Variants in SLC12A5 observed in about 807,000 individuals in gnomAD.
The protein encoded by SLC12A5 is solute carrier family 12 member 5, also known as K-Cl cotransporter 2.
A neutral mutation model predicts 124.0 loss-of-function variants in SLC12A5; 18 were observed. That is an observed-to-expected ratio of 0.15 (90% CI 0.10 to 0.22). The LOEUF (loss-of-function observed/expected upper bound fraction) is 0.22, where lower values mean the gene tolerates loss of function less well. SLC12A5 is among the 10% of genes least tolerant of loss of function. The pLI is 1.00. For missense variants in SLC12A5, 867 were observed against 1,478.7 expected (o/e 0.59, Z 6.78); for synonymous variants, 589 against 568.0 (o/e 1.04, Z -0.53).
chr20:46,051,526 T>C (rs996208903), intron 17 of SLC12A5, 149 bp from the exon 18 acceptor site: 2 of 661,098 alleles, frequency 3.0e-6, no homozygotes, highest in Non-Finnish European at 4.9e-6. Flanking sequence ...CATGTGCCAT[T>C]CTGGAGCCAG....
At chr20:46,046,278 T>G in intron 13 of SLC12A5, 60 bp from the exon 14 acceptor site, 1 of 1,442,694 alleles carries the variant, frequency 6.9e-7, no homozygotes, top group Non-Finnish European at 9.8e-7. Context: ...CCCATGCTGT[T>G]GTTTCTGTTT....
upstream of SLC12A5, among the ~76,000 whole-genome samples, chr20:46,027,194 C>G (rs1333301100): frequency 1.3e-5 from 2 of 152,184 alleles, no homozygotes; most frequent in Non-Finnish European, 2.9e-5. Context: ...CCAATTCAAA[C>G]TCATCTCACC....
chr20:46,046,395 G>T lies in SLC12A5; in HGVS notation c.1746G>T (p.Leu582=). The T allele has an allele frequency of 6.2e-7, 1 of 1,614,194 alleles. No homozygotes were observed. The change falls in exon 14 of 26, where the codon CTG becomes CTT. Residue 582 remains leucine (L), a synonymous_variant. Transcript: ENST00000243964. Reference sequence around the variant, plus strand: ...TGGCCTGTGCAGTGCAGACGCTGCTGAGGACACCCAACTGGAGGCCACGCT... The same window carrying T: ...TGGCCTGTGCAGTGCAGACGCTGCTTAGGACACCCAACTGGAGGCCACGCT... ...VNLACAVQTL[L]RTPNWRPRFR...
At chr20:46,050,402 C>T (rs2084637058) in intron 17 of SLC12A5, among the ~76,000 whole-genome samples, 1 of 152,212 alleles carries the variant, frequency 6.6e-6, no homozygotes, top group Admixed American at 6.5e-5. Flanking sequence ...GCTGTGGTGG[C>T]CAGTGTCTGC....
chr20:46,041,297 T>C (rs1288855002), intron 7 of SLC12A5, 32 bp from the exon 8 acceptor site: 6 of 1,604,686 alleles, frequency 3.7e-6, no homozygotes, highest in Non-Finnish European at 5.1e-6. Flanking sequence ...GTTATGTGGC[T>C]CCCCACCTTC....
rs756834398 is a variant in SLC12A5, at chr20:46,049,674, C to T, written c.2065C>T (p.Pro689Ser). 7.5e-6 allele frequency: 12 copies of T among 1,606,168 alleles called. No individual in the cohort carries two copies. Among genetic ancestry groups the T allele is most frequent in the Non-Finnish European group, 1.0e-5 (12 of 1,176,638 alleles). Reference protein sequence around the residue: ...RVDQDQNVVHPQLLSLTSQLK... With the variant: ...RVDQDQNVVHSQLLSLTSQLK... ...GGACCAAGACCAGAATGTGGTGCAC[C>T]CCCAGCTGCTCTCACTGACCTCCCA... The change falls in exon 17 of 26, where the codon CCC (proline) becomes TCC (serine). Residue 689 changes from proline (P) to serine (S), a missense_variant. Pro to Ser is a moderately conservative substitution (Grantham distance 74). Coordinates refer to ENST00000243964, the MANE Select transcript of SLC12A5 (RefSeq NM_020708.5).
At chr20:46,030,684 C>T (rs1226200892) in intron 1 of SLC12A5, among the ~76,000 whole-genome samples, 1 of 152,214 alleles carries the variant, frequency 6.6e-6, no homozygotes, top group East Asian at 1.9e-4. Flanking sequence ...GCTGAAAGAG[C>T]AGGGTCTTCT....
rs772203618 is a variant in SLC12A5, at chr20:46,056,793, C to A, written c.3111-104C>A. 1 of 1,315,068 alleles carries A rather than the reference C, an allele frequency of 7.6e-7. No individual in the cohort carries two copies. The highest frequency in any genetic ancestry group is 2.3e-5 in the East Asian group (1 of 43,464). The allele number at this position is 1,315,068 out of a possible 1,614,324, so 81.5% of individuals were successfully genotyped here. On this transcript the variant is annotated intron_variant, in intron 23 of 25. Coordinates refer to ENST00000243964, the MANE Select transcript of SLC12A5 (RefSeq NM_020708.5). The surrounding 1 kb of genome is among the most constrained non-coding windows in gnomAD (Gnocchi z 4.3). ...GTGAAGGGTGTGGGGGCTGGCAGAG[C>A]AGGACTCAGGGCAGATGACCATGGC...
In SLC12A5 at chr20:46,056,320, T is replaced by C. The variant is rs749516174; in HGVS notation, c.2911-45T>C. ...CCCCAACCAGTGGGAGCAGAGCCCTTGGCCTCCAAAGGACTCAACTGCCAT... is the reference window on the plus strand; with the variant it reads ...CCCCAACCAGTGGGAGCAGAGCCCTCGGCCTCCAAAGGACTCAACTGCCAT... On this transcript the variant is annotated intron_variant, in intron 22 of 25. Transcript: ENST00000243964. This position sits in a 1 kb window ranked among gnomAD's most constrained non-coding sequence, Gnocchi z 4.3. 1.2e-6 allele frequency: 2 copies of C among 1,611,830 alleles called. No homozygotes were observed. Among genetic ancestry groups the C allele is most frequent in the Non-Finnish European group, 1.7e-6 (2 of 1,178,614 alleles).
intron 18 of SLC12A5, among the ~76,000 whole-genome samples, chr20:46,052,441 T>C (rs1417285031): frequency 6.6e-6 from 1 of 152,256 alleles, no homozygotes; most frequent in Non-Finnish European, 1.5e-5. Context: ...GGCTCACGCC[T>C]GTAATCCCAG....
At chr20:46,049,325 G>A (rs1231909408) in intron 16 of SLC12A5, among the ~76,000 whole-genome samples, 4 of 152,222 alleles carry the variant, frequency 2.6e-5, no homozygotes, top group African/African-American at 9.7e-5. Flanking sequence ...TGGATGATAG[G>A]TAGGTAGATG....
chr20:46,042,474 C>T (rs2084556103), intron 8 of SLC12A5, among the ~76,000 whole-genome samples: 1 of 151,776 alleles, frequency 6.6e-6, no homozygotes, highest in Admixed American at 6.6e-5. Flanking sequence ...TCAACCAGGG[C>T]TGTTTTGCCA....
At chr20:46,023,239 T>C (rs769293824) in intron 2 of SLC12A5, 4 of 398,078 alleles carry the variant, frequency 1.0e-5, no homozygotes, top group African/African-American at 6.2e-5. Context: ...CTTGGATTTC[T>C]TGGGCTCCTT....
intron 16 of SLC12A5, among the ~76,000 whole-genome samples, chr20:46,048,730 G>T (rs1162957515): frequency 6.6e-6 from 1 of 152,094 alleles, no homozygotes; most frequent in Non-Finnish European, 1.5e-5. Context: ...AATTAGCCAG[G>T]CATGGTGGCG....
intron 1 of SLC12A5, among the ~76,000 whole-genome samples, chr20:46,032,493 TTAA>T (rs2084462864): frequency 6.6e-6 from 1 of 152,152 alleles, no homozygotes; most frequent in South Asian, 2.1e-4. Context: ...ACCAAGTATG[TTAA>T]TAATAATCGC....
At chr20:46,046,312 T>A (rs754179653) in intron 13 of SLC12A5, 26 bp from the exon 14 acceptor site, 26 of 1,601,300 alleles carry the variant, frequency 1.6e-5, no homozygotes, top group Non-Finnish European at 2.1e-5. Flanking sequence ...CATCTCTGTC[T>A]CCCCTGGGGC....
In SLC12A5 at chr20:46,043,646, T is replaced by C. The variant is rs1233803706; in HGVS notation, c.1251T>C (p.Gly417=). Residue 417 remains glycine (G), a synonymous_variant, in exon 10 of 26, where the codon GGT becomes GGC. Coordinates refer to ENST00000243964, the MANE Select transcript of SLC12A5 (RefSeq NM_020708.5). ...YFPSVTGIMA[G]SNRSGDLRDA... ...TCTGTTTTGCAGGGATCATGGCTGGTTCTAACCGCTCTGGGGACCTGAGGG... is the reference window on the plus strand; with the variant it reads ...TCTGTTTTGCAGGGATCATGGCTGGCTCTAACCGCTCTGGGGACCTGAGGG... 1 of 1,614,176 alleles carries C rather than the reference T, an allele frequency of 6.2e-7. No homozygotes were observed. The highest frequency in any genetic ancestry group is 1.1e-5 in the South Asian group (1 of 91,076).
upstream of SLC12A5, among the ~76,000 whole-genome samples, chr20:46,028,811 C>T (rs934791648): frequency 6.6e-6 from 1 of 152,194 alleles, no homozygotes; most frequent in African/African-American, 2.4e-5. Flanking sequence ...ACCCCAGACC[C>T]CCAGTCAAGC....
rs944489542 is a variant in SLC12A5 at position 46,045,005 on chromosome 20, T to G, written c.1434T>G (p.Thr478=). The G allele has an allele frequency of 6.2e-7, 1 of 1,614,102 alleles. No individual in the cohort carries two copies. Among genetic ancestry groups the G allele is most frequent in the African/African-American group, 1.3e-5 (1 of 74,944 alleles). Residue 478 remains threonine, a synonymous_variant, in exon 12 of 26, where the codon ACT becomes ACG. Transcript: ENST00000243964. The surrounding 1 kb of genome is among the most constrained non-coding windows in gnomAD (Gnocchi z 4.9). The stretch of plus-strand genomic sequence containing the variant: ...TGAATGGCAACCTCGTGGTGGGCAC[T>G]CTGGCCTGGCCATCTCCATGGGTAA... ...EAVNGNLVVG[T]LAWPSPWVIV...
Sources: gnomAD v4.1 joint callset for allele counts (sites outside exome capture counted in the v4.1 genomes callset) on GRCh38, gnomAD v4.1.1 for gene constraint, Gnocchi (gnomAD v3.1) non-coding constraint, MANE v1.5 for transcripts, NCBI Gene and HGNC (gene_info 2026-07-23, HGNC 2026-07-21) for gene names.